NRXN1: variants seen among roughly 807,000 people sequenced by gnomAD.
NRXN1 encodes the protein neurexin-1.
A neutral mutation model predicts 150.9 loss-of-function variants in NRXN1; 39 were observed. The ratio of observed to expected loss-of-function variants is 0.26; its 90% CI spans 0.20 to 0.34. The LOEUF (loss-of-function observed/expected upper bound fraction) is 0.34, where lower values mean the gene tolerates loss of function less well. Ranked by LOEUF, NRXN1 falls within the 10% of genes least tolerant of loss-of-function variation. The probability of loss-of-function intolerance (pLI) is 1.00; values close to 1 mark genes in which losing one functional copy is unlikely to be tolerated. For synonymous variants in NRXN1, 924 were observed against 757.0 expected (o/e 1.22, Z -3.62); for missense variants, 1,815 against 1,949.9 (o/e 0.93, Z 1.30).
chr2:50,992,792 G>A (rs1471369233), intron 2 of NRXN1, among the ~76,000 whole-genome samples: 2 of 151,864 alleles, frequency 1.3e-5, no homozygotes, highest in Admixed American at 6.6e-5. Context: ...GTGATGCATG[G>A]GGAGAGAATA....
chr2:50,231,282 A>T (rs2064914795), intron 18 of NRXN1, among the ~76,000 whole-genome samples: 1 of 152,102 alleles, frequency 6.6e-6, no homozygotes, highest in African/African-American at 2.4e-5. Flanking sequence ...ATAGGTGTGC[A>T]TCTATGTATA....
At chr2:51,002,400 C>A (rs573342908) in intron 2 of NRXN1, among the ~76,000 whole-genome samples, 21 of 152,046 alleles carry the variant, frequency 1.4e-4, no homozygotes, top group Middle Eastern at 3.4e-3. Flanking sequence ...TCGTAGAAAA[C>A]AGAATCTTAT....
intron 17 of NRXN1, among the ~76,000 whole-genome samples, chr2:50,402,758 C>G (rs1266602378): frequency 6.6e-6 from 1 of 152,100 alleles, no homozygotes; most frequent in Non-Finnish European, 1.5e-5. Context: ...CCCATTAGAA[C>G]TAGGCTTAGC....
At chr2:50,532,534 C>T (rs189350998) in intron 10 of NRXN1, among the ~76,000 whole-genome samples, 3 of 152,054 alleles carry the variant, frequency 2.0e-5, no homozygotes, top group Non-Finnish European at 2.9e-5. Flanking sequence ...CTGTTACTTC[C>T]TTTTAAGATT....
intron 19 of NRXN1, among the ~76,000 whole-genome samples, chr2:50,079,365 T>A (rs1333749445): frequency 6.6e-6 from 1 of 152,116 alleles, no homozygotes; most frequent in East Asian, 1.9e-4. Context: ...CCACACCCAT[T>A]CATTTTCCTA....
At chr2:50,424,332 G>GGGAGGA (rs2084302981) in intron 17 of NRXN1, among the ~76,000 whole-genome samples, 1 of 132,966 alleles carries the variant, frequency 7.5e-6, no homozygotes. Context: ...GAGGAGGAGG[G>GGGAGGA]GGAGGAGGAG....
chr2:50,626,107 T>G (rs1337884647), intron 5 of NRXN1, among the ~76,000 whole-genome samples: 1 of 151,948 alleles, frequency 6.6e-6, no homozygotes, highest in East Asian at 1.9e-4. Context: ...GCAAATATAT[T>G]GCACAAATTG....
At chr2:50,467,455 G>C (rs1406677262) in intron 16 of NRXN1, among the ~76,000 whole-genome samples, 3 of 151,574 alleles carry the variant, frequency 2.0e-5, no homozygotes, top group Admixed American at 6.6e-5. Context: ...GCCTGCTTTA[G>C]TGAATAAATT....
intron 17 of NRXN1, among the ~76,000 whole-genome samples, chr2:50,352,620 C>T (rs1000266898): frequency 4.6e-5 from 7 of 151,676 alleles, no homozygotes; most frequent in African/African-American, 1.7e-4. Context: ...TTGAACTGAG[C>T]GTCAGTAAAA....
chr2:50,312,361 T>C (rs1019835819), intron 17 of NRXN1, among the ~76,000 whole-genome samples: 26 of 151,962 alleles, frequency 1.7e-4, no homozygotes, highest in African/African-American at 6.3e-4. Flanking sequence ...AAGAAAACAA[T>C]TTTGCAGGCA....
intron 5 of NRXN1, among the ~76,000 whole-genome samples, chr2:50,822,614 C>T (rs1669900440): frequency 6.6e-6 from 1 of 152,022 alleles, no homozygotes; most frequent in Non-Finnish European, 1.5e-5. Flanking sequence ...CCTATTTTAT[C>T]AAAATGTGAA....
rs2152831225 is a variant in NRXN1, at chr2:50,199,048, C to T, written c.3546+37741G>A. The stretch of plus-strand genomic sequence containing the variant: ...GAGCTGAGGACCTGATCAAGTGAAA[C>T]AATCAGTCCTCTCTGTGCTACTTTG... On this transcript the variant is annotated intron_variant, in intron 18 of 22. Transcript: ENST00000401669. 2.0e-5 allele frequency: 3 copies of T among 152,264 alleles called. No individual in the cohort carries two copies. In the Middle Eastern group the frequency reaches 0.01, roughly 518 times the overall value. The allele number at this position is 152,264 out of a possible 1,614,324, so 9.4% of individuals were successfully genotyped here. A position where few individuals can be genotyped will look rare whatever the true frequency, so the allele number is the denominator to read the frequency against.
chr2:49,969,191 T>C (rs1677503788), intron 21 of NRXN1, among the ~76,000 whole-genome samples: 2 of 152,104 alleles, frequency 1.3e-5, no homozygotes, highest in African/African-American at 2.4e-5. Flanking sequence ...ATGTTTTACA[T>C]AGACACACAT....
intron 2 of NRXN1, among the ~76,000 whole-genome samples, chr2:50,985,848 A>G (rs1358293202): frequency 1.3e-5 from 2 of 151,806 alleles, no homozygotes; most frequent in Non-Finnish European, 3.0e-5. Flanking sequence ...TAAAAAGACT[A>G]TATAATGGCT....
At chr2:50,832,721 A>G (rs1671586030) in intron 5 of NRXN1, among the ~76,000 whole-genome samples, 2 of 152,220 alleles carry the variant, frequency 1.3e-5, no homozygotes, top group South Asian at 4.1e-4. Flanking sequence ...AGCTCAATGC[A>G]GAACTCATAC....
At chr2:50,550,277 AGTG>A (rs1488834617) in intron 9 of NRXN1, among the ~76,000 whole-genome samples, 2 of 151,956 alleles carry the variant, frequency 1.3e-5, no homozygotes, top group Admixed American at 6.6e-5. Context: ...CCCAGGCTGG[AGTG>A]CAATGGTATG....
chr2:50,215,083 T>C (rs912413370), intron 18 of NRXN1, among the ~76,000 whole-genome samples: 5 of 151,994 alleles, frequency 3.3e-5, no homozygotes, highest in Non-Finnish European at 4.4e-5. Context: ...TTTATCTAAT[T>C]ACCTTCCTAT....
chr2:50,419,763 A>G (rs551140380), intron 17 of NRXN1, among the ~76,000 whole-genome samples: 119 of 152,112 alleles, frequency 7.8e-4, no homozygotes, highest in African/African-American at 2.8e-3. Flanking sequence ...CACCATGAAA[A>G]CAGAAAATAT....
chr2:50,246,022 G>C (rs1383781982), intron 17 of NRXN1, among the ~76,000 whole-genome samples: 1 of 151,764 alleles, frequency 6.6e-6, no homozygotes, highest in Non-Finnish European at 1.5e-5. Context: ...AATCATTTTA[G>C]AGTTTTTCTA....
Sources: gnomAD v4.1 joint callset for allele counts (sites outside exome capture counted in the v4.1 genomes callset) on GRCh38, gnomAD v4.1.1 for gene constraint, MANE v1.5 for transcripts, NCBI Gene and HGNC (gene_info 2026-07-23, HGNC 2026-07-21) for gene names.